The following MCM5 variants were observed in gnomAD, a reference collection of about 807,000 sequenced individuals.
MCM5 encodes the protein DNA replication licensing factor MCM5.
MCM5 carries 46 observed loss-of-function variants against 79.9 expected under a neutral mutation model. The ratio of observed to expected loss-of-function variants is 0.58; its 90% CI spans 0.45 to 0.74. The LOEUF (loss-of-function observed/expected upper bound fraction) is 0.74. MCM5 is among the 30% of genes least tolerant of loss of function. MCM5 has a pLI of 0.00. For missense variants in MCM5, 883 were observed against 1,017.0 expected (o/e 0.87, Z 1.79); for synonymous variants, 404 against 390.5 (o/e 1.03, Z -0.41).
rs2307337 is a variant in MCM5, at chr22:35,400,686, A to T, written c.167+81A>T. ...CTACCAGCCTGCTAGAGTCCTGGAC[A>T]GTCAGGGCACAGATGGGCCCAGACG... On this transcript the variant is annotated intron_variant, in intron 2 of 16. Transcript: ENST00000216122. 85 of 1,447,954 alleles carry T rather than the reference A, an allele frequency of 5.9e-5. No individual in the cohort carries two copies. In the African/African-American group the frequency reaches 1.0e-3, roughly 18 times the overall value. The allele number at this position is 1,447,954 out of a possible 1,614,324, so 89.7% of individuals were successfully genotyped here.
the MCM5 span, among the ~76,000 whole-genome samples, chr22:35,435,076 G>A: frequency 0.017 from 2,521 of 152,258 alleles, 58 homozygotes; most frequent in South Asian, 0.084. Flanking sequence ...GCTTGAACCC[G>A]GGAGGTGGAG....
chr22:35,440,234 A>T, the MCM5 span, among the ~76,000 whole-genome samples: 4 of 152,236 alleles, frequency 2.6e-5, no homozygotes, highest in African/African-American at 9.6e-5. Flanking sequence ...AGAAACAGGG[A>T]CTTGGCTTAG....
chr22:35,438,511 C>CCA, the MCM5 span, among the ~76,000 whole-genome samples: 502 of 77,604 alleles, frequency 6.5e-3, 9 homozygotes, highest in African/African-American at 0.017. Context: ...ATCCATCCAT[C>CCA]TATGCATCCA....
chr22:35,410,667 G>A, intron 6 of MCM5, 77 bp from the exon 7 acceptor site: 2 of 1,417,668 alleles, frequency 1.4e-6, no homozygotes, highest in South Asian at 1.2e-5. Flanking sequence ...GCGTGTCCTG[G>A]GCATGGGTGG....
rs779731757 is a variant in MCM5, at chr22:35,424,230, G to T, written c.2180G>T (p.Arg727Leu). 1.2e-5 allele frequency: 18 copies of T among 1,551,252 alleles called. No individual in the cohort carries two copies. The highest frequency in any genetic ancestry group is 1.0e-5 in the Non-Finnish European group (12 of 1,147,090). ...GGCGAGATCCAGCATCGCATGCAGC[G>T]CAAGGTTCTCTACCGCCTCAAGTGA... ...RRGEIQHRMQ[R>L]KVLYRLK Residue 727 changes from arginine (R) to leucine (L), a missense_variant, in exon 17 of 17, where the codon CGC becomes CTC. Transcript: ENST00000216122.
intron 7 of MCM5, among the ~76,000 whole-genome samples, chr22:35,411,889 T>C (rs1190830244): frequency 1.3e-5 from 2 of 152,054 alleles, no homozygotes; most frequent in Non-Finnish European, 1.5e-5. Context: ...GAAGCTAAGC[T>C]CCCCTTTCCC....
chr22:35,451,738 G>A, the MCM5 span, among the ~76,000 whole-genome samples: 10 of 152,196 alleles, frequency 6.6e-5, no homozygotes, highest in Non-Finnish European at 1.5e-4. Flanking sequence ...CGGCTCTGGC[G>A]CCCAGCTTTG....
chr22:35,421,321 G>C lies in MCM5; in HGVS notation c.1836G>C (p.Gln612His), dbSNP rs753879436. 2 of 1,612,380 alleles carry C rather than the reference G, an allele frequency of 1.2e-6. No individual in the cohort carries two copies. Among genetic ancestry groups the C allele is most frequent in the Admixed American group, 3.3e-5 (2 of 60,008 alleles). ...RRSSIPITVR[Q>H]LEAIVRIAEA... ...GAGCACGCTGTTGCCCCCACAGGCAGCTGGAGGCCATTGTGCGCATCGCGG... is the reference window on the plus strand; with the variant it reads ...GAGCACGCTGTTGCCCCCACAGGCACCTGGAGGCCATTGTGCGCATCGCGG... The change falls in exon 15 of 17, where the codon CAG becomes CAC. Residue 612 changes from glutamine (Q) to histidine (H), a missense_variant. Physicochemically the swap from Gln to His is conservative, Grantham distance 24. Around this residue, in one of 3 missense-constraint regions of MCM5, gnomAD observed 426 missense variants for 482.3 expected, o/e 0.88. Transcript: ENST00000216122.
At chr22:35,442,794 G>A in the MCM5 span, among the ~76,000 whole-genome samples, 1 of 152,234 alleles carries the variant, frequency 6.6e-6, no homozygotes, top group South Asian at 2.1e-4. Context: ...CGTGTTCACA[G>A]GTTTCAGGGA....
At chr22:35,434,947 T>C in the MCM5 span, among the ~76,000 whole-genome samples, 1 of 150,868 alleles carries the variant, frequency 6.6e-6, no homozygotes, top group East Asian at 2.0e-4. Context: ...AGGTCAGGAG[T>C]TCAAGACCAG....
At chr22:35,425,436 C>T (rs907381228), downstream of MCM5, 1 of 152,098 alleles carries the variant, frequency 6.6e-6, no homozygotes, top group Non-Finnish European at 1.5e-5. Flanking sequence ...GGTGCATCCG[C>T]CTGGTCATTG....
Position 35,410,798 on chromosome 22 carries a change from C to A in MCM5, c.807C>A (p.Tyr269Ter). ...PGNRVTIMGIYSIKKFGLTTS... is the reference protein window; with the variant it reads ...PGNRVTIMGI ...ACAGGGTTACCATCATGGGCATCTA[C>A]TCCATCAAGAAGTTTGGCCTGACTA... Residue 269 changes from tyrosine to a stop codon, truncating the protein, a stop_gained, in exon 7 of 17, where the codon TAC becomes TAA. Coordinates refer to ENST00000216122, the MANE Select transcript of MCM5 (RefSeq NM_006739.4). LOFTEE classifies it high-confidence loss of function. 2 of 1,614,158 alleles carry A rather than the reference C, an allele frequency of 1.2e-6. No homozygotes were observed. The highest frequency in any genetic ancestry group is 2.2e-5 in the South Asian group (2 of 91,074).
chr22:35,444,066 G>A, the MCM5 span, among the ~76,000 whole-genome samples: 1 of 152,172 alleles, frequency 6.6e-6, no homozygotes, highest in African/African-American at 2.4e-5. Context: ...AGAGCCTTGT[G>A]CCTGGCAGAC....
the MCM5 span, among the ~76,000 whole-genome samples, chr22:35,451,306 C>A: frequency 6.6e-6 from 1 of 152,208 alleles, no homozygotes; most frequent in Non-Finnish European, 1.5e-5. Flanking sequence ...GAGAAGGTTG[C>A]CCAGGCAACG....
the MCM5 span, among the ~76,000 whole-genome samples, chr22:35,448,787 G>A: frequency 6.6e-6 from 1 of 152,226 alleles, no homozygotes; most frequent in African/African-American, 2.4e-5. Flanking sequence ...TGTCTGTTGA[G>A]TGGGGATCAA....
the MCM5 span, among the ~76,000 whole-genome samples, chr22:35,453,827 G>GAT: frequency 7.3e-6 from 1 of 137,474 alleles, no homozygotes; most frequent in East Asian, 2.3e-4. Context: ...TATAGAGAGA[G>GAT]AGAGAGAGAG....
At chr22:35,411,953 A>G (rs1315309766) in intron 7 of MCM5, among the ~76,000 whole-genome samples, 3 of 152,124 alleles carry the variant, frequency 2.0e-5, no homozygotes, top group Admixed American at 6.5e-5. Flanking sequence ...TCAGTTGCTC[A>G]GACAAAAACC....
chr22:35,437,429 A>G, the MCM5 span, among the ~76,000 whole-genome samples: 1 of 152,210 alleles, frequency 6.6e-6, no homozygotes, highest in East Asian at 1.9e-4. Flanking sequence ...TGCCATGTAG[A>G]CAGAGCCTAC....
intron 4 of MCM5, among the ~76,000 whole-genome samples, 177 bp downstream of exon 4, chr22:35,403,719 A>G (rs1267584911): frequency 2.0e-5 from 3 of 152,192 alleles, no homozygotes; most frequent in African/African-American, 7.2e-5. Flanking sequence ...TACACACCCA[A>G]AAGCAGAGAG....
Sources: allele counts gnomAD v4.1 joint callset (sites outside exome capture counted in the v4.1 genomes callset), GRCh38; gene constraint gnomAD v4.1.1; regional missense constraint gnomAD v4.1.1; transcripts MANE v1.5; gene names NCBI Gene and HGNC (gene_info 2026-07-23, HGNC 2026-07-21).